Variants in CNTN1 observed in about 807,000 individuals in gnomAD.
The protein encoded by CNTN1 is contactin 1.
CNTN1 carries 38 observed loss-of-function variants against 126.4 expected under a neutral mutation model. That is an observed-to-expected ratio of 0.30 (90% confidence interval 0.23 to 0.39). The LOEUF (loss-of-function observed/expected upper bound fraction) is 0.39. CNTN1 is among the 10% of genes least tolerant of loss of function. The pLI is 1.00. For missense variants in CNTN1, 1,009 were observed against 1,248.4 expected, an observed-to-expected ratio of 0.81 and a Z score of 2.89; for synonymous variants, 413 against 422.6, an observed-to-expected ratio of 0.98 and a Z score of 0.28.
intron 15 of CNTN1, among the ~76,000 whole-genome samples, chr12:40,975,245 T>A (rs750010048): frequency 8.3e-4 from 122 of 147,790 alleles, no homozygotes; most frequent in Non-Finnish European, 1.2e-3. Context: ...CTCTTAAATG[T>A]ATGTGATCTA....
At chr12:40,864,225 G>T (rs1943221211) in intron 1 of CNTN1, among the ~76,000 whole-genome samples, 1 of 151,542 alleles carries the variant, frequency 6.6e-6, no homozygotes, top group Non-Finnish European at 1.5e-5. Context: ...TCACCATGTT[G>T]GTTAGGCTGG....
chr12:40,933,842 G>A lies in CNTN1; in HGVS notation c.949G>A (p.Gly317Arg). 1.2e-6 allele frequency: 2 copies of A among 1,612,228 alleles called. No homozygotes were observed. The highest frequency in any genetic ancestry group is 8.5e-7 in the Non-Finnish European group (1 of 1,178,748). The change falls in exon 9 of 24, where the codon GGA becomes AGA. Residue 317 changes from glycine (G) to arginine (R), a missense_variant. Transcript: ENST00000551295. The stretch of plus-strand genomic sequence containing the variant: ...TGAATGTGAGGCTGAGAACATTAGA[G>A]GAAAGGATAAACATCAAGCAAGAAT... ...IYECEAENIR[G>R]KDKHQARIYV...
intron 15 of CNTN1, among the ~76,000 whole-genome samples, chr12:40,962,171 T>A (rs1021717797): frequency 6.6e-6 from 1 of 152,108 alleles, no homozygotes; most frequent in Admixed American, 6.6e-5. Flanking sequence ...TAATTAAGAT[T>A]GTGGATTTCT....
In CNTN1 at chr12:41,070,202, G is replaced by A; in HGVS notation, c.*167G>A. ...ACACACATGATGACTGAGGCATTCG[G>A]GAACCCCTTCATCCAAAAGAATAAA... On this transcript the variant is annotated 3_prime_UTR_variant, in exon 24 of 24. Transcript: ENST00000551295. 1 of 662,920 alleles carries A rather than the reference G, an allele frequency of 1.5e-6. No individual in the cohort carries two copies. Among genetic ancestry groups the A allele is most frequent in the Non-Finnish European group, 2.7e-6 (1 of 367,976 alleles). The allele number at this position is 662,920 out of a possible 1,614,324, so 41.1% of individuals were successfully genotyped here. A position where few individuals can be genotyped will look rare whatever the true frequency, so the allele number is the denominator to read the frequency against.
intron 18 of CNTN1, among the ~76,000 whole-genome samples, chr12:41,015,811 A>C (rs1325305209): frequency 6.6e-6 from 1 of 152,160 alleles, no homozygotes; most frequent in African/African-American, 2.4e-5. Flanking sequence ...AGTAGCTGTA[A>C]GTCAGTTTTT....
intron 23 of CNTN1, among the ~76,000 whole-genome samples, chr12:41,056,919 ATAT>A (rs1168626771): frequency 4.3e-5 from 3 of 70,536 alleles, no homozygotes; most frequent in Non-Finnish European, 8.2e-5. Context: ...AATATTTATA[ATAT>A]TTAGATATTT....
intron 1 of CNTN1, among the ~76,000 whole-genome samples, chr12:40,777,322 T>C (rs1939629062): frequency 6.6e-6 from 1 of 151,548 alleles, no homozygotes; most frequent in Non-Finnish European, 1.5e-5. Flanking sequence ...ATATGAAACC[T>C]TTCTGTGTGT....
chr12:40,908,233 T>A, intron 1 of CNTN1, 124 bp from the exon 2 acceptor site: 1 of 570,892 alleles, frequency 1.8e-6, no homozygotes, highest in East Asian at 2.9e-5. Context: ...TAATAATGTT[T>A]TCCTCAAATG....
Position 40,939,578 on chromosome 12 carries a change from T to C in CNTN1, c.1379+93T>C, listed in dbSNP as rs551130067. The C allele has an allele frequency of 8.1e-5, 118 of 1,460,760 alleles. 2 individuals carry two copies. In the South Asian group the frequency reaches 1.3e-3, roughly 16 times the overall value. 90.5% of individuals were successfully genotyped at this position (1,460,760 alleles called of 1,614,324 possible). On this transcript the variant is annotated intron_variant, in intron 12 of 23. Coordinates refer to ENST00000551295, the MANE Select transcript of CNTN1 (RefSeq NM_001843.4). Reference sequence around the variant, plus strand: ...TTTATATGTTAATAATGAAAATGTTTTTTGCTCTGAATTTTTTTTTTCACA... The same window carrying C: ...TTTATATGTTAATAATGAAAATGTTCTTTGCTCTGAATTTTTTTTTTCACA...
At chr12:41,047,831 T>C (rs2121002198) in intron 23 of CNTN1, among the ~76,000 whole-genome samples, 1 of 152,174 alleles carries the variant, frequency 6.6e-6, no homozygotes, top group East Asian at 1.9e-4. Context: ...GCCCTTTTCA[T>C]TACTATCTAC....
At chr12:41,059,749 G>A (rs1949899468) in intron 23 of CNTN1, among the ~76,000 whole-genome samples, 1 of 152,098 alleles carries the variant, frequency 6.6e-6, no homozygotes, top group Non-Finnish European at 1.5e-5. Context: ...AACAGGCCAA[G>A]TGCAGTGGCC....
intron 1 of CNTN1, among the ~76,000 whole-genome samples, chr12:40,821,225 T>C (rs966770474): frequency 6.6e-6 from 1 of 152,212 alleles, no homozygotes; most frequent in African/African-American, 2.4e-5. Context: ...GATGTAATTT[T>C]AAAAGCTCTT....
At chr12:40,693,973 A>C (rs1464216785) in intron 1 of CNTN1, among the ~76,000 whole-genome samples, 1 of 152,208 alleles carries the variant, frequency 6.6e-6, no homozygotes, top group African/African-American at 2.4e-5. Context: ...TAGAGTGCCA[A>C]TATAATCTTC....
chr12:40,974,210 A>C (rs1012748775), intron 15 of CNTN1, among the ~76,000 whole-genome samples: 10 of 152,180 alleles, frequency 6.6e-5, no homozygotes, highest in Admixed American at 5.9e-4. Context: ...AAGATTACCA[A>C]ATATATTTAT....
intron 3 of CNTN1, among the ~76,000 whole-genome samples, chr12:40,910,441 C>T (rs1020209158): frequency 6.6e-6 from 1 of 152,124 alleles, no homozygotes; most frequent in South Asian, 2.1e-4. Context: ...TTTTGAAAGC[C>T]TCTTGCTTTG....
intron 17 of CNTN1, among the ~76,000 whole-genome samples, chr12:40,993,519 T>C (rs187131940): frequency 3.3e-4 from 50 of 149,718 alleles, no homozygotes; most frequent in Non-Finnish European, 5.8e-4. Flanking sequence ...AGAATTAATA[T>C]AGAGGAAGAG....
chr12:40,728,600 G>A (rs184699150), intron 1 of CNTN1, among the ~76,000 whole-genome samples: 58 of 152,260 alleles, frequency 3.8e-4, no homozygotes, highest in Middle Eastern at 3.4e-3. Flanking sequence ...GTGGGATTTG[G>A]AATGGCTCTA....
chr12:40,869,228 A>T (rs1428352260), intron 1 of CNTN1, among the ~76,000 whole-genome samples: 1 of 149,946 alleles, frequency 6.7e-6, no homozygotes, highest in East Asian at 1.9e-4. Flanking sequence ...TTAAATATTG[A>T]AAAAAAATAA....
At position 40,898,281 on chromosome 12, in the gene CNTN1, A is replaced by C. The variant is rs530788115; in HGVS notation, c.-76-10076A>C. 2.6e-5 allele frequency among the ~76,000 whole-genome samples: 4 copies of C among 152,316 alleles called. No individual in the cohort carries two copies. The East Asian group carries it at 7.7e-4, about 29-fold the overall frequency. ...TTACCAGTACTTATGCTACTGCTACAATATGTCTGGACATGGTAGATACTT... is the reference window on the plus strand; with the variant it reads ...TTACCAGTACTTATGCTACTGCTACCATATGTCTGGACATGGTAGATACTT... On this transcript the variant is annotated intron_variant, in intron 1 of 23. Transcript: ENST00000551295.
Sources: allele counts gnomAD v4.1 joint callset (sites outside exome capture counted in the v4.1 genomes callset), GRCh38; gene constraint gnomAD v4.1.1; transcripts MANE v1.5; gene names NCBI Gene and HGNC (gene_info 2026-07-23, HGNC 2026-07-21).